ATP8A1: variants seen among roughly 807,000 people sequenced by gnomAD.
ATP8A1 encodes the protein ATPase phospholipid transporting 8A1.
Under a neutral mutation model 177.7 loss-of-function variants are expected in ATP8A1, and 90 were observed. That is an observed-to-expected ratio of 0.51 (90% confidence interval 0.43 to 0.60). The LOEUF is 0.60. ATP8A1 is among the 20% of genes least tolerant of loss of function. ATP8A1 has a pLI of 0.00. For missense variants in ATP8A1, 1,072 were observed against 1,392.8 expected (o/e 0.77, Z 3.67); for synonymous variants, 493 against 485.9 (o/e 1.01, Z -0.19).
At position 42,408,676 on chromosome 4, in the gene ATP8A1, G is replaced by C. The variant is rs560613944; in HGVS notation, c.*4240C>G. 18 of 152,196 alleles carry C rather than the reference G, an allele frequency of 1.2e-4. No homozygotes were observed. Among genetic ancestry groups the C allele is most frequent in the African/African-American group, 4.3e-4 (18 of 41,528 alleles). 9.4% of individuals were successfully genotyped at this position (152,196 alleles called of 1,614,324 possible). A position where few individuals can be genotyped will look rare whatever the true frequency, so the allele number is the denominator to read the frequency against. On this transcript the variant is annotated 3_prime_UTR_variant, in exon 37 of 37. Coordinates refer to ENST00000381668, the MANE Select transcript of ATP8A1 (RefSeq NM_006095.2). ...CTGAAAATACTACTTTATCTTTAACGCAAAACTGCAGTTTTCTGTAGTAGC... is the reference window on the plus strand; with the variant it reads ...CTGAAAATACTACTTTATCTTTAACCCAAAACTGCAGTTTTCTGTAGTAGC...
chr4:42,416,655 G>C (rs1284162424), intron 35 of ATP8A1, among the ~76,000 whole-genome samples: 1 of 152,064 alleles, frequency 6.6e-6, no homozygotes, highest in African/African-American at 2.4e-5. Context: ...TTAATTTTGC[G>C]TTGGCTGCTT....
intron 27 of ATP8A1, among the ~76,000 whole-genome samples, chr4:42,461,202 G>C (rs1483885428): frequency 6.7e-6 from 1 of 149,526 alleles, no homozygotes; most frequent in African/African-American, 2.5e-5. Flanking sequence ...ATAATCTTTT[G>C]AATACATTGA....
At chr4:42,444,199 T>C (rs1202877002) in intron 32 of ATP8A1, among the ~76,000 whole-genome samples, 1 of 152,196 alleles carries the variant, frequency 6.6e-6, no homozygotes, top group Non-Finnish European at 1.5e-5. Context: ...GACAAATCTT[T>C]AATATTTTCA....
chr4:42,566,460 G>A (rs761773613), intron 15 of ATP8A1, among the ~76,000 whole-genome samples: 16 of 152,168 alleles, frequency 1.1e-4, no homozygotes, highest in Non-Finnish European at 1.9e-4. Flanking sequence ...TCACACTTTT[G>A]ATCTTGGTTT....
rs1319440711 is a variant in ATP8A1 at position 42,579,799 on chromosome 4, AC to A, written c.1000+13del. On this transcript the variant is annotated intron_variant, in intron 11 of 36. Coordinates refer to ENST00000381668, the MANE Select transcript of ATP8A1 (RefSeq NM_006095.2). Reference sequence around the variant, plus strand: ...CTTAATCTAAAAAAGTGCAGTAAGCACTTTATTGCTTACAGTTTAGATTGAG... The same window carrying A: ...CTTAATCTAAAAAAGTGCAGTAAGCATTTATTGCTTACAGTTTAGATTGAG... 16 of 1,603,024 alleles carry A rather than the reference AC, an allele frequency of 1.0e-5. No individual in the cohort carries two copies. Among genetic ancestry groups the A allele is most frequent in the Non-Finnish European group, 1.4e-5 (16 of 1,175,428 alleles).
intron 24 of ATP8A1, among the ~76,000 whole-genome samples, chr4:42,496,052 G>A (rs1348163451): frequency 1.3e-5 from 2 of 152,164 alleles, no homozygotes; most frequent in African/African-American, 2.4e-5. Flanking sequence ...GTAGTGCTGG[G>A]TAAATTGCTC....
At chr4:42,590,102 A>G (rs1696455336) in intron 7 of ATP8A1, among the ~76,000 whole-genome samples, 1 of 152,214 alleles carries the variant, frequency 6.6e-6, no homozygotes, top group Non-Finnish European at 1.5e-5. Flanking sequence ...ATGACATCTA[A>G]AACACAAACT....
At chr4:42,639,184 C>G (rs1739687100) in intron 1 of ATP8A1, among the ~76,000 whole-genome samples, 1 of 152,024 alleles carries the variant, frequency 6.6e-6, no homozygotes, top group South Asian at 2.1e-4. Flanking sequence ...GAGACCACTG[C>G]TGCTTCACAG....
Position 42,447,643 on chromosome 4 carries a change from A to C in ATP8A1, c.2897-999T>G, listed in dbSNP as rs560542232. On this transcript the variant is annotated intron_variant, in intron 30 of 36. Transcript: ENST00000381668. The stretch of plus-strand genomic sequence containing the variant: ...GTATATATAATACAGTGATGCATGC[A>C]CATATTCAACGTTTATTCAGAGTCA... 2.3e-3 allele frequency among the ~76,000 whole-genome samples: 350 copies of C among 152,368 alleles called. 2 individuals are homozygous for C. Among genetic ancestry groups the C allele is most frequent in the Non-Finnish European group, 2.4e-3 (165 of 68,038 alleles).
At chr4:42,461,591 CCT>C (rs1321870416) in intron 27 of ATP8A1, among the ~76,000 whole-genome samples, 5 of 152,154 alleles carry the variant, frequency 3.3e-5, no homozygotes, top group African/African-American at 1.2e-4. Flanking sequence ...GTCCATTAAA[CCT>C]CTTTCTTTTG....
chr4:42,635,403 T>A (rs1386452088), intron 1 of ATP8A1, among the ~76,000 whole-genome samples: 1 of 152,102 alleles, frequency 6.6e-6, no homozygotes, highest in South Asian at 2.1e-4. Flanking sequence ...ATATAACCTT[T>A]CACTCAATGG....
chr4:42,635,810 T>TATATAC (rs1305090729), intron 1 of ATP8A1, among the ~76,000 whole-genome samples: 28 of 103,890 alleles, frequency 2.7e-4, no homozygotes, highest in South Asian at 1.2e-3. Flanking sequence ...TATATATATA[T>TATATAC]ACACATGTAT....
At chr4:42,613,118 G>A (rs544297501) in intron 5 of ATP8A1, among the ~76,000 whole-genome samples, 3 of 152,102 alleles carry the variant, frequency 2.0e-5, no homozygotes, top group Non-Finnish European at 4.4e-5. Flanking sequence ...ATAACAGATG[G>A]CTTTCATGTT....
chr4:42,523,101 T>C (rs1476763068), intron 21 of ATP8A1, among the ~76,000 whole-genome samples: 1 of 152,102 alleles, frequency 6.6e-6, no homozygotes. Context: ...AAAGTCTAAG[T>C]ATAGTTGAGG....
At chr4:42,641,289 G>A (rs1560553098) in intron 1 of ATP8A1, among the ~76,000 whole-genome samples, 1 of 152,168 alleles carries the variant, frequency 6.6e-6, no homozygotes. Flanking sequence ...AGCAAGGCAT[G>A]TAGAGCATAA....
Position 42,476,611 on chromosome 4 carries a change from T to TA in ATP8A1, c.2324+8884dup, listed in dbSNP as rs879784297. Among the ~76,000 whole-genome samples the TA allele has an allele frequency of 1.4e-3, 196 of 136,378 alleles. 1 individual carries two copies. Among genetic ancestry groups the TA allele is most frequent in the Middle Eastern group, 3.7e-3 (1 of 272 alleles). 89.5% of individuals were successfully genotyped at this position (136,378 alleles called of 152,430 possible). On this transcript the variant is annotated intron_variant, in intron 25 of 36. Transcript: ENST00000381668. Reference sequence around the variant, plus strand: ...TCCAGCCTGGGCCACAGGGTGAGATTAAAAAAAAAAAAAAAGTTAACAGAA... The same window carrying TA: ...TCCAGCCTGGGCCACAGGGTGAGATTAAAAAAAAAAAAAAAAGTTAACAGAA...
intron 33 of ATP8A1, among the ~76,000 whole-genome samples, chr4:42,429,412 G>A (rs1253670071): frequency 4.0e-5 from 6 of 151,804 alleles, no homozygotes; most frequent in Admixed American, 3.9e-4. Flanking sequence ...TTGTGGGGAG[G>A]TGAGGAAGAG....
At chr4:42,423,276 A>G (rs917767315) in intron 34 of ATP8A1, among the ~76,000 whole-genome samples, 6 of 152,116 alleles carry the variant, frequency 3.9e-5, no homozygotes, top group African/African-American at 7.2e-5. Context: ...GGCAAGCAAA[A>G]CATTTCTTTT....
intron 1 of ATP8A1, among the ~76,000 whole-genome samples, chr4:42,654,635 C>T (rs1473239366): frequency 6.6e-6 from 1 of 152,160 alleles, no homozygotes; most frequent in Non-Finnish European, 1.5e-5. Context: ...CCAGCCTATT[C>T]ACCTCTGCTC....
Sources: gnomAD v4.1 joint callset for allele counts (sites outside exome capture counted in the v4.1 genomes callset) on GRCh38, gnomAD v4.1.1 for gene constraint, MANE v1.5 for transcripts, NCBI Gene and HGNC (gene_info 2026-07-23, HGNC 2026-07-21) for gene names.